Variants in TBC1D22A observed in about 807,000 individuals in gnomAD.
The protein encoded by TBC1D22A is TBC1 domain family member 22A.
A neutral mutation model predicts 60.2 loss-of-function variants in TBC1D22A; 38 were observed. The ratio of observed to expected loss-of-function variants is 0.63; its 90% CI spans 0.49 to 0.83. The LOEUF is 0.83. TBC1D22A is among the 40% of genes least tolerant of loss of function. The pLI is 0.00. For missense variants in TBC1D22A, 628 were observed against 701.0 expected (o/e 0.90, Z 1.18); for synonymous variants, 302 against 281.7 (o/e 1.07, Z -0.72).
Position 46,912,123 on chromosome 22 carries a change from G to A in TBC1D22A, c.950G>A (p.Gly317Glu). 1 of 1,614,008 alleles carries A rather than the reference G, an allele frequency of 6.2e-7. No individual in the cohort carries two copies. The highest frequency in any genetic ancestry group is 1.3e-5 in the African/African-American group (1 of 75,038). The change falls in exon 8 of 13, where the codon GGA (glycine) becomes GAA (glutamate). Residue 317 changes from glycine to glutamate, a missense_variant. Transcript: ENST00000337137. ...TGGGCGATCCGCCACCCAGCCAGTG[G>A]ATACGTTCAGGGTATAAATGATCTC... is the stretch of plus-strand genomic sequence containing the variant. ...FIWAIRHPAS[G>E]YVQGINDLVT...
chr22:46,792,568 A>C lies in TBC1D22A; in HGVS notation c.111A>C (p.Leu37Phe), dbSNP rs1293964953. Residue 37 changes from leucine (L) to phenylalanine (F), a missense_variant, in exon 2 of 13, where the codon TTA becomes TTC. Coordinates refer to ENST00000337137, the MANE Select transcript of TBC1D22A (RefSeq NM_014346.5). ...GAQHPPFDPL[L>F]HGTLLRSTAK... ...AGCACCCCCCCTTTGATCCACTGTT[A>C]CATGGCACGTAAGTGACGTTCCAAC... 6.2e-7 allele frequency: 1 copy of C among 1,614,088 alleles called. No individual in the cohort carries two copies. The highest frequency in any genetic ancestry group is 1.3e-5 in the African/African-American group (1 of 74,932).
At chr22:47,068,228 T>C (rs906227537) in intron 11 of TBC1D22A, among the ~76,000 whole-genome samples, 2 of 152,230 alleles carry the variant, frequency 1.3e-5, no homozygotes, top group African/African-American at 4.8e-5. Context: ...ATGGCACCAC[T>C]GTCGAGGGGA....
At chr22:47,036,397 G>C (rs1365211733) in intron 10 of TBC1D22A, among the ~76,000 whole-genome samples, 1 of 152,198 alleles carries the variant, frequency 6.6e-6, no homozygotes, top group Non-Finnish European at 1.5e-5. Context: ...CACGGGGTCT[G>C]AGCTGAGGCT....
At chr22:46,772,868 T>A (rs998261035) in intron 1 of TBC1D22A, among the ~76,000 whole-genome samples, 1 of 152,168 alleles carries the variant, frequency 6.6e-6, no homozygotes, top group Admixed American at 6.5e-5. Context: ...GACCTCCTGA[T>A]CCTCCTGCCT....
At chr22:47,153,703 G>T (rs1327542678) in intron 12 of TBC1D22A, among the ~76,000 whole-genome samples, 1 of 152,208 alleles carries the variant, frequency 6.6e-6, no homozygotes, top group African/African-American at 2.4e-5. Context: ...CCCGCAGGGT[G>T]TGGTGACAGA....
At chr22:46,834,707 A>G (rs1015340772) in intron 4 of TBC1D22A, among the ~76,000 whole-genome samples, 7 of 152,206 alleles carry the variant, frequency 4.6e-5, no homozygotes, top group African/African-American at 1.4e-4. Context: ...AGTTTCTACT[A>G]ACTGCCTTGT....
chr22:46,974,823 G>A (rs991951488), intron 9 of TBC1D22A, among the ~76,000 whole-genome samples: 1 of 152,228 alleles, frequency 6.6e-6, no homozygotes, highest in African/African-American at 2.4e-5. Context: ...CTGCAGTATT[G>A]GTGGCCAGGG....
rs139829855 is a variant in TBC1D22A, at chr22:47,028,713, C to T, written c.1202-8358C>T. Among the ~76,000 whole-genome samples, 359 of 152,346 alleles carry T rather than the reference C, an allele frequency of 2.4e-3. No individual in the cohort carries two copies. Among genetic ancestry groups the T allele is most frequent in the Non-Finnish European group, 4.0e-3 (275 of 68,036 alleles). ...AGAAGACAGCAGTTGTGTGACACGACGTTGACATTAAATGAACGGTGGAGA... is the reference window on the plus strand; with the variant it reads ...AGAAGACAGCAGTTGTGTGACACGATGTTGACATTAAATGAACGGTGGAGA... On this transcript the variant is annotated intron_variant, in intron 10 of 12. Transcript: ENST00000337137. This position sits in a 1 kb window ranked among gnomAD's most constrained non-coding sequence, Gnocchi z 4.4.
intron 4 of TBC1D22A, among the ~76,000 whole-genome samples, chr22:46,802,236 G>T (rs910865): frequency 2.0e-5 from 3 of 152,208 alleles, no homozygotes; most frequent in East Asian, 1.9e-4. Flanking sequence ...GGCTTGCGAG[G>T]GCCCTGCCCT....
intron 11 of TBC1D22A, among the ~76,000 whole-genome samples, chr22:47,087,393 G>A (rs1049791998): frequency 6.6e-6 from 1 of 152,134 alleles, no homozygotes; most frequent in Admixed American, 6.5e-5. Context: ...AAATCAGAAA[G>A]CTATTCTTAA....
At chr22:46,782,794 G>A (rs915870842) in intron 1 of TBC1D22A, among the ~76,000 whole-genome samples, 27 of 152,260 alleles carry the variant, frequency 1.8e-4, no homozygotes, top group African/African-American at 6.5e-4. Context: ...GCTGTGTTGC[G>A]TACCAAGACT....
chr22:46,876,352 A>T (rs1422704481), intron 4 of TBC1D22A, among the ~76,000 whole-genome samples: 1 of 152,266 alleles, frequency 6.6e-6, no homozygotes, highest in Non-Finnish European at 1.5e-5. Flanking sequence ...ATTCTATTAC[A>T]AAGACACATG....
At chr22:46,809,171 T>C (rs2085278851) in intron 4 of TBC1D22A, among the ~76,000 whole-genome samples, 1 of 152,184 alleles carries the variant, frequency 6.6e-6, no homozygotes, top group South Asian at 2.1e-4. Context: ...GCTGATCCAG[T>C]TTCCGGGAAG....
chr22:46,851,684 A>G (rs2087285070), intron 4 of TBC1D22A, among the ~76,000 whole-genome samples: 1 of 152,226 alleles, frequency 6.6e-6, no homozygotes, highest in South Asian at 2.1e-4. Flanking sequence ...TCCTCATCTT[A>G]TCTTCAGATG....
At chr22:46,810,103 A>G (rs2085317660) in intron 4 of TBC1D22A, among the ~76,000 whole-genome samples, 1 of 152,204 alleles carries the variant, frequency 6.6e-6, no homozygotes, top group African/African-American at 2.4e-5. Context: ...TACAGAAGTG[A>G]TGTTCCTGGG....
At chr22:47,112,541 C>T (rs1350881640) in intron 12 of TBC1D22A, among the ~76,000 whole-genome samples, 2 of 152,210 alleles carry the variant, frequency 1.3e-5, no homozygotes, top group Admixed American at 6.5e-5. Context: ...CTTCCGAGGG[C>T]CTTGGGAGGA....
intron 11 of TBC1D22A, among the ~76,000 whole-genome samples, chr22:47,086,870 T>C (rs1603252471): frequency 2.0e-5 from 3 of 152,106 alleles, no homozygotes; most frequent in African/African-American, 4.8e-5. Context: ...AAAGATTAGT[T>C]GGAGAAAAGA....
At chr22:47,145,632 G>C (rs768232643) in intron 12 of TBC1D22A, among the ~76,000 whole-genome samples, 11 of 152,204 alleles carry the variant, frequency 7.2e-5, no homozygotes, top group Non-Finnish European at 1.3e-4. Context: ...CGTTAGGAGA[G>C]GTATTCTTGT....
intron 11 of TBC1D22A, among the ~76,000 whole-genome samples, chr22:47,089,650 GT>G (rs1248153181): frequency 6.6e-6 from 1 of 152,210 alleles, no homozygotes; most frequent in East Asian, 1.9e-4. Context: ...CAAGGGGACA[GT>G]TTGACTGTCT....
Sources: gnomAD v4.1 joint callset for allele counts (sites outside exome capture counted in the v4.1 genomes callset) on GRCh38, gnomAD v4.1.1 for gene constraint, Gnocchi (gnomAD v3.1) non-coding constraint, MANE v1.5 for transcripts, NCBI Gene and HGNC (gene_info 2026-07-23, HGNC 2026-07-21) for gene names.